ZNF730: variants seen among roughly 807,000 people sequenced by gnomAD.
ZNF730 encodes zinc finger protein 730, also known as putative zinc finger protein 730.
In ZNF730, 12 loss-of-function variants were observed where a neutral mutation model predicts 12.6. The ratio of observed to expected loss-of-function variants is 0.95; its 90% CI spans 0.61 to 1.54. The LOEUF is 1.54. ZNF730 is among the 40% of genes most tolerant of loss of function. The probability of loss-of-function intolerance (pLI) is 0.00; values close to 1 mark genes in which losing one functional copy is unlikely to be tolerated. For missense variants in ZNF730, 643 were observed against 583.5 expected, an observed-to-expected ratio of 1.10 and a Z score of -1.05; for synonymous variants, 194 against 195.8, an observed-to-expected ratio of 0.99 and a Z score of 0.08.
At chr19:23,087,330 C>T (rs1004567268) in intron 1 of ZNF730, among the ~76,000 whole-genome samples, 2 of 152,044 alleles carry the variant, frequency 1.3e-5, no homozygotes, top group African/African-American at 4.8e-5. Context: ...ATTGCTTGAA[C>T]CCGGGAGGCA....
At chr19:23,088,429 C>G (rs1970102621) in intron 1 of ZNF730, among the ~76,000 whole-genome samples, 1 of 151,902 alleles carries the variant, frequency 6.6e-6, no homozygotes, top group Non-Finnish European at 1.5e-5. Flanking sequence ...TTTTTCAATA[C>G]CTTGTTTATT....
intron 1 of ZNF730, among the ~76,000 whole-genome samples, chr19:23,082,408 A>G (rs904962551): frequency 2.0e-5 from 3 of 147,918 alleles, no homozygotes; most frequent in African/African-American, 7.5e-5. Flanking sequence ...GTGCAATGGT[A>G]CGATCTTGGC....
chr19:23,106,945 CTA>C (rs982792009), intron 1 of ZNF730, among the ~76,000 whole-genome samples: 10 of 152,070 alleles, frequency 6.6e-5, no homozygotes, highest in African/African-American at 2.2e-4. Flanking sequence ...ATTTTTAAAA[CTA>C]TATGTTGGCA....
intron 3 of ZNF730, 76 bp from the exon 4 acceptor site, chr19:23,145,195 A>G (rs570224344): frequency 2.9e-6 from 3 of 1,029,140 alleles, no homozygotes; most frequent in African/African-American, 1.6e-5. Context: ...TGTAGTTTGT[A>G]TAACTTTATA....
chr19:23,098,301 A>G (rs1970286486), intron 1 of ZNF730: 1 of 152,158 alleles, frequency 6.6e-6, no homozygotes, highest in Admixed American at 6.5e-5. Flanking sequence ...GGCCCTGCTC[A>G]TGGGCATATT....
In ZNF730 at chr19:23,146,610, T is replaced by A; in HGVS notation, c.*54T>A. The A allele has an allele frequency of 6.3e-7, 1 of 1,585,770 alleles. No individual in the cohort carries two copies. Among genetic ancestry groups the A allele is most frequent in the Non-Finnish European group, 8.6e-7 (1 of 1,157,688 alleles). On this transcript the variant is annotated 3_prime_UTR_variant, in exon 4 of 4. Transcript: ENST00000597761. The stretch of plus-strand genomic sequence containing the variant: ...AACAATCTTTATACCTTACTACACA[T>A]AAGATAATTCATACTGAAGAGAAAC...
upstream of ZNF730, among the ~76,000 whole-genome samples, chr19:23,116,573 CTT>C (rs5827552): frequency 1.3e-3 from 116 of 86,914 alleles, 1 homozygote; most frequent in African/African-American, 4.8e-3. Flanking sequence ...CTCCCAGCTA[CTT>C]TTTTTTTTTT....
chr19:23,127,538 T>C, intron 1 of ZNF730: 1 of 907,498 alleles, frequency 1.1e-6, no homozygotes, highest in South Asian at 1.3e-5. Flanking sequence ...GTAACCTGCA[T>C]AGTCTTCATT....
intron 1 of ZNF730, among the ~76,000 whole-genome samples, chr19:23,119,967 G>A (rs1970578908): frequency 6.7e-6 from 1 of 149,492 alleles, no homozygotes; most frequent in African/African-American, 2.5e-5. Flanking sequence ...CTGTGAATCT[G>A]TCTGGTCCTG....
Position 23,146,737 on chromosome 19 carries a change from G to A in ZNF730, c.*181G>A. ...AGAAAAACCTACAAATGTGAAGAAT[G>A]TGGCAAAGTCTTCAACCAATCTTCA... is the stretch of plus-strand genomic sequence containing the variant. On this transcript the variant is annotated 3_prime_UTR_variant, in exon 4 of 4. Transcript: ENST00000597761. 1 of 1,294,906 alleles carries A rather than the reference G, an allele frequency of 7.7e-7. No individual in the cohort carries two copies. Among genetic ancestry groups the A allele is most frequent in the Non-Finnish European group, 1.1e-6 (1 of 891,692 alleles). 80.2% of individuals were successfully genotyped at this position (1,294,906 alleles called of 1,614,324 possible). A position where few individuals can be genotyped will look rare whatever the true frequency, so the allele number is the denominator to read the frequency against.
chr19:23,116,674 G>GC (rs967137338), upstream of ZNF730, among the ~76,000 whole-genome samples: 1 of 151,376 alleles, frequency 6.6e-6, no homozygotes, highest in East Asian at 2.0e-4. Flanking sequence ...ACCCGCCTCG[G>GC]CCCCCCAAAG....
At position 23,136,035 on chromosome 19, in the gene ZNF730, A is replaced by G. The variant is rs1970827716; in HGVS notation, c.218A>G (p.Lys73Arg). ...WNLKTHDMVA[K>R]PPVICSHIAQ... The stretch of plus-strand genomic sequence containing the variant: ...TTGAAGACACATGATATGGTAGCCA[A>G]ACCCCCAGGTAGGTGACAGTAAATA... The change falls in exon 3 of 4, where the codon AAA becomes AGA. Residue 73 changes from lysine to arginine, a missense_variant. Lys to Arg is a conservative substitution (Grantham distance 26, BLOSUM62 2). Coordinates refer to ENST00000597761, the MANE Select transcript of ZNF730 (RefSeq NM_001277403.2). 6.2e-7 allele frequency: 1 copy of G among 1,600,502 alleles called. No homozygotes were observed. Among genetic ancestry groups the G allele is most frequent in the East Asian group, 2.3e-5 (1 of 44,278 alleles).
chr19:23,086,575 T>A (rs1970067243), intron 1 of ZNF730, among the ~76,000 whole-genome samples: 1 of 152,232 alleles, frequency 6.6e-6, no homozygotes, highest in Non-Finnish European at 1.5e-5. Flanking sequence ...TTTTGTCAGC[T>A]TTGTCAAAGG....
chr19:23,105,118 C>CTTTTT (rs1007819236), intron 1 of ZNF730, among the ~76,000 whole-genome samples: 3 of 87,730 alleles, frequency 3.4e-5, no homozygotes, highest in Non-Finnish European at 5.3e-5. Context: ...TTTTTCTTTT[C>CTTTTT]TTTTTTTTTT....
chr19:23,120,139 C>T (rs912638646), intron 1 of ZNF730, among the ~76,000 whole-genome samples: 1 of 151,846 alleles, frequency 6.6e-6, no homozygotes, highest in African/African-American at 2.4e-5. Context: ...GGACTACAGG[C>T]GGGTGCCACC....
chr19:23,096,720 A>G (rs1970257865), intron 1 of ZNF730, among the ~76,000 whole-genome samples: 1 of 152,138 alleles, frequency 6.6e-6, no homozygotes, highest in African/African-American at 2.4e-5. Flanking sequence ...ACTGTGACAT[A>G]TTGCTGAACC....
At chr19:23,103,938 T>C (rs2935434) in intron 1 of ZNF730, among the ~76,000 whole-genome samples, 83,654 of 151,948 alleles carry the variant, frequency 0.55, 25,742 homozygotes, top group South Asian at 0.72. Context: ...TATATTAAAC[T>C]ATAGAACTTT....
intron 3 of ZNF730, chr19:23,144,309 T>G (rs1263969757): frequency 6.6e-6 from 1 of 152,188 alleles, no homozygotes; most frequent in Non-Finnish European, 1.5e-5. Flanking sequence ...GCAATCGTTT[T>G]GGCTAGACAT....
chr19:23,142,769 A>G (rs1168015459), intron 3 of ZNF730, among the ~76,000 whole-genome samples: 1 of 151,330 alleles, frequency 6.6e-6, no homozygotes, highest in Admixed American at 6.6e-5. Context: ...TGAAAGAGAA[A>G]GACTTACTGT....
Sources: gnomAD v4.1 joint callset for allele counts (sites outside exome capture counted in the v4.1 genomes callset) on GRCh38, gnomAD v4.1.1 for gene constraint, MANE v1.5 for transcripts, NCBI Gene and HGNC (gene_info 2026-07-23, HGNC 2026-07-21) for gene names.